Variants in TCHP observed in about 807,000 individuals in gnomAD.
TCHP encodes the protein trichoplein keratin filament-binding protein.
A neutral mutation model predicts 88.7 loss-of-function variants in TCHP; 81 were observed. The observed-to-expected ratio is 0.91, with a 90% CI of 0.76 to 1.10. TCHP has a LOEUF of 1.10. TCHP is among the 50% of genes least tolerant of loss of function. TCHP has a pLI of 0.00. For missense variants in TCHP, 641 were observed against 632.1 expected (o/e 1.01, Z -0.15); for synonymous variants, 232 against 232.5 (o/e 1.00, Z 0.02).
At chr12:109,911,732 A>G (rs1354071984) in intron 9 of TCHP, among the ~76,000 whole-genome samples, 5 of 151,016 alleles carry the variant, frequency 3.3e-5, no homozygotes, top group Admixed American at 2.6e-4. Context: ...GTATTATCTG[A>G]GGTGGAAATC....
chr12:109,897,760 G>A (rs1030809279), upstream of TCHP, among the ~76,000 whole-genome samples: 6 of 152,036 alleles, frequency 3.9e-5, no homozygotes, highest in African/African-American at 1.2e-4. Flanking sequence ...GTTTCGCCAC[G>A]TTGGCCAGGC....
intron 5 of TCHP, among the ~76,000 whole-genome samples, chr12:109,906,902 T>C (rs1870164302): frequency 6.6e-6 from 1 of 152,182 alleles, no homozygotes; most frequent in Non-Finnish European, 1.5e-5. Flanking sequence ...TCTTTTTTTC[T>C]TTTGGAGGCA....
rs763305646 is a variant in TCHP at position 109,913,003 on chromosome 12, G to A, written c.1065G>A (p.Lys355=). ...TGTGTTTGCCCAGGGAGGAGGCCAA[G>A]GAGATGTGGGAAAAGAGAGAGGCAG... ...ELQMLLREEA[K]EMWEKREAEW... Residue 355 remains lysine (K), a synonymous_variant, in exon 10 of 13, where the codon AAG becomes AAA. Transcript: ENST00000405876. The A allele has an allele frequency of 6.2e-7, 1 of 1,613,970 alleles. No homozygotes were observed. Among genetic ancestry groups the A allele is most frequent in the East Asian group, 2.2e-5 (1 of 44,872 alleles).
In TCHP at chr12:109,912,978, T is replaced by C. The variant is rs1046786044; in HGVS notation, c.1053-13T>C. The C allele has an allele frequency of 6.2e-7, 1 of 1,613,206 alleles. No individual in the cohort carries two copies. Among genetic ancestry groups the C allele is most frequent in the Non-Finnish European group, 8.5e-7 (1 of 1,179,550 alleles). Reference sequence around the variant, plus strand: ...GGGAGGAGCCTGCTGTCATCCCTTTTGTGTTTGCCCAGGGAGGAGGCCAAG... The same window carrying C: ...GGGAGGAGCCTGCTGTCATCCCTTTCGTGTTTGCCCAGGGAGGAGGCCAAG... On this transcript the variant is annotated splice_polypyrimidine_tract_variant and intron_variant, in intron 9 of 12. Transcript: ENST00000405876.
At chr12:109,882,163 T>G in the TCHP span, among the ~76,000 whole-genome samples, 1 of 152,108 alleles carries the variant, frequency 6.6e-6, no homozygotes, top group Admixed American at 6.6e-5. Flanking sequence ...GAGCAGTACC[T>G]CTGAAGAGGT....
At chr12:109,915,575 C>A (rs768108871) in intron 12 of TCHP, 29 bp downstream of exon 12, 1 of 1,591,276 alleles carries the variant, frequency 6.3e-7, no homozygotes, top group Admixed American at 1.7e-5. Flanking sequence ...TATAGGCCAA[C>A]ACCGGCAAGA....
upstream of TCHP, among the ~76,000 whole-genome samples, chr12:109,900,061 T>A (rs1444588237): frequency 6.6e-6 from 1 of 152,224 alleles, no homozygotes; most frequent in Non-Finnish European, 1.5e-5. Flanking sequence ...CTGACTTACA[T>A]TCTCTTCCCC....
chr12:109,888,223 G>A, the TCHP span: 1 of 152,274 alleles, frequency 6.6e-6, no homozygotes, highest in African/African-American at 2.4e-5. Context: ...GGAGAGGTGG[G>A]AAGGAAAAGG....
the TCHP span, chr12:109,888,584 G>T: frequency 2.0e-5 from 3 of 152,214 alleles, no homozygotes; most frequent in Non-Finnish European, 4.4e-5. Context: ...TCCCCCAGCG[G>T]TGTCTGTTGG....
chr12:109,915,112 G>A, intron 11 of TCHP: 1 of 525,370 alleles, frequency 1.9e-6, no homozygotes, highest in Non-Finnish European at 3.4e-6. Flanking sequence ...TACACACAAT[G>A]CATACAGCCT....
chr12:109,914,312 C>T, intron 10 of TCHP, 130 bp from the exon 11 acceptor site: 1 of 753,128 alleles, frequency 1.3e-6, no homozygotes. Context: ...GGCTCTGCCT[C>T]TGCGTACCTG....
the TCHP span, among the ~76,000 whole-genome samples, chr12:109,881,402 A>G: frequency 1.3e-5 from 2 of 152,210 alleles, no homozygotes; most frequent in Non-Finnish European, 2.9e-5. Flanking sequence ...TCCATTTGCA[A>G]TAGGGCACAT....
intron 1 of TCHP, among the ~76,000 whole-genome samples, chr12:109,901,435 C>T (rs753987134): frequency 2.0e-5 from 3 of 150,558 alleles, no homozygotes; most frequent in Non-Finnish European, 4.4e-5. Context: ...CTGGTTCCCT[C>T]ATTTACAAGA....
At position 109,903,137 on chromosome 12, in the gene TCHP, C is replaced by G; in HGVS notation, c.111C>G (p.Asn37Lys). Residue 37 changes from asparagine to lysine, a missense_variant, in exon 2 of 13, where the codon AAC (asparagine) becomes AAG (lysine). Asn to Lys is a moderately conservative substitution (Grantham distance 94). Coordinates refer to ENST00000405876, the MANE Select transcript of TCHP (RefSeq NM_001143852.2). The surrounding 1 kb of genome is among the most constrained non-coding windows in gnomAD (Gnocchi z 4.6). ...GGCTTCGGCAGCAGTGGGAGCAGAACAGCCGTTACTTCAGGATGTCTGACA... is the reference window on the plus strand; with the variant it reads ...GGCTTCGGCAGCAGTGGGAGCAGAAGAGCCGTTACTTCAGGATGTCTGACA... ...EARLRQQWEQNSRYFRMSDIC... is the reference protein window; with the variant it reads ...EARLRQQWEQKSRYFRMSDIC... 1 of 1,614,034 alleles carries G rather than the reference C, an allele frequency of 6.2e-7. No homozygotes were observed.
At chr12:109,883,569 A>G in the TCHP span, among the ~76,000 whole-genome samples, 1 of 151,994 alleles carries the variant, frequency 6.6e-6, no homozygotes, top group African/African-American at 2.4e-5. Context: ...ATCCTATGAT[A>G]CCATCTCCTT....
chr12:109,899,099 G>A (rs1461120979), upstream of TCHP, among the ~76,000 whole-genome samples: 3 of 152,132 alleles, frequency 2.0e-5, no homozygotes, highest in Non-Finnish European at 4.4e-5. Flanking sequence ...GATTACAGGC[G>A]TAAGCCACTG....
chr12:109,883,809 A>G, the TCHP span, among the ~76,000 whole-genome samples: 1 of 152,216 alleles, frequency 6.6e-6, no homozygotes, highest in Non-Finnish European at 1.5e-5. Flanking sequence ...GAGATAGGTC[A>G]TTGCTCTGAG....
intron 9 of TCHP, among the ~76,000 whole-genome samples, chr12:109,911,560 C>T (rs1870493725): frequency 7.0e-6 from 1 of 143,116 alleles, no homozygotes; most frequent in South Asian, 2.2e-4. Context: ...TCCGATTAGC[C>T]ATGACTACAC....
Position 109,912,349 on chromosome 12 carries a change from A to G in TCHP, c.1053-642A>G, listed in dbSNP as rs78752456. On this transcript the variant is annotated intron_variant, in intron 9 of 12. Transcript: ENST00000405876. ...GTCCAGGGTGAGCTATCAGTGACAC[A>G]GGCATGCGGTGGCAGGGTTCAGGCA... 9.1e-3 allele frequency among the ~76,000 whole-genome samples: 1,390 copies of G among 152,304 alleles called. 32 individuals are homozygous for G. Among genetic ancestry groups the G allele is most frequent in the African/African-American group, 0.032 (1,318 of 41,548 alleles).
Sources: gnomAD v4.1 joint callset for allele counts (sites outside exome capture counted in the v4.1 genomes callset) on GRCh38, gnomAD v4.1.1 for gene constraint, Gnocchi (gnomAD v3.1) non-coding constraint, MANE v1.5 for transcripts, NCBI Gene and HGNC (gene_info 2026-07-23, HGNC 2026-07-21) for gene names.